TRIO: variants seen among roughly 807,000 people sequenced by gnomAD.
TRIO encodes the protein trio Rho guanine nucleotide exchange factor, also known as triple functional domain protein.
In TRIO, 58 loss-of-function variants were observed where a neutral mutation model predicts 351.9. The observed-to-expected ratio is 0.16, with a 90% CI of 0.13 to 0.21. The LOEUF is 0.21. TRIO is among the 10% of genes least tolerant of loss of function. TRIO has a pLI of 1.00. For missense variants in TRIO, 3,201 were observed against 4,027.8 expected (o/e 0.79, Z 5.56); for synonymous variants, 1,758 against 1,595.7 (o/e 1.10, Z -2.42).
chr5:14,216,726 T>C (rs897059577), intron 1 of TRIO, among the ~76,000 whole-genome samples: 5 of 152,260 alleles, frequency 3.3e-5, no homozygotes, highest in African/African-American at 1.2e-4. Context: ...TATAAAAGCA[T>C]GTTTATAGTT....
At chr5:14,444,413 G>A (rs1268910791) in intron 34 of TRIO, among the ~76,000 whole-genome samples, 4 of 152,128 alleles carry the variant, frequency 2.6e-5, no homozygotes, top group Non-Finnish European at 4.4e-5. Context: ...ATCTCAAATC[G>A]TTTTTTGCCC....
intron 1 of TRIO, among the ~76,000 whole-genome samples, chr5:14,186,342 C>T (rs991842768): frequency 3.3e-5 from 5 of 152,166 alleles, no homozygotes; most frequent in African/African-American, 1.2e-4. Context: ...TATTAAAGAA[C>T]TCCAAAAACA....
Position 14,286,675 on chromosome 5 carries a change from C to T in TRIO, c.348-196C>T, listed in dbSNP as rs151045256. On this transcript the variant is annotated intron_variant, in intron 3 of 56. Coordinates refer to ENST00000344204, the MANE Select transcript of TRIO (RefSeq NM_007118.4). This position sits in a 1 kb window ranked among gnomAD's most constrained non-coding sequence, Gnocchi z 4.4. ...CAGGTTTTGCAGGTTGAACATGAAG[C>T]GTGTATAGCCTGGGTCTCTTCCTTT... 2.6e-5 allele frequency among the ~76,000 whole-genome samples: 4 copies of T among 152,232 alleles called. No homozygotes were observed. The highest frequency in any genetic ancestry group is 1.9e-4 in the East Asian group (1 of 5,184).
intron 34 of TRIO, among the ~76,000 whole-genome samples, chr5:14,424,954 G>T (rs1435536100): frequency 2.0e-5 from 3 of 152,102 alleles, no homozygotes; most frequent in Non-Finnish European, 4.4e-5. Context: ...TTTCAAATCT[G>T]AAGTATTCAG....
intron 1 of TRIO, among the ~76,000 whole-genome samples, chr5:14,187,060 G>A (rs918897860): frequency 6.6e-6 from 1 of 152,170 alleles, no homozygotes; most frequent in Non-Finnish European, 1.5e-5. Flanking sequence ...TGGAGAAGTC[G>A]TGTGATGAAG....
intron 53 of TRIO, 112 bp from the exon 54 acceptor site, chr5:14,502,467 A>G (rs1294213486): frequency 3.3e-6 from 3 of 919,856 alleles, no homozygotes; most frequent in Admixed American, 1.9e-5. Context: ...GCCGTGTGGC[A>G]GGTGCCCGGT....
chr5:14,481,667 T>C (rs751612155), intron 45 of TRIO, 49 bp downstream of exon 45: 27 of 1,591,918 alleles, frequency 1.7e-5, no homozygotes, highest in African/African-American at 9.4e-5. Context: ...TTCATCTCTT[T>C]CTTTTGTCTT....
At position 14,471,364 on chromosome 5, in the gene TRIO, G is replaced by A; in HGVS notation, c.5810G>A (p.Ser1937Asn). Reference sequence around the variant, plus strand: ...TCACTCCTTGTTGACCAGGGAGATAGTAGCAGCCCTTCCTTCAACCCTTCG... The same window carrying A: ...TCACTCCTTGTTGACCAGGGAGATAATAGCAGCCCTTCCTTCAACCCTTCG... ...PSSLLVDQGD[S>N]SSPSFNPSDN... Residue 1937 changes from serine (S) to asparagine (N), a missense_variant, in exon 38 of 57, where the codon AGT (serine) becomes AAT (asparagine). Around this residue, in one of 19 missense-constraint regions of TRIO, gnomAD observed 307 missense variants for 396.5 expected, o/e 0.77. Coordinates refer to ENST00000344204, the MANE Select transcript of TRIO (RefSeq NM_007118.4). 5.6e-6 allele frequency: 9 copies of A among 1,614,120 alleles called. No homozygotes were observed. Among genetic ancestry groups the A allele is most frequent in the Non-Finnish European group, 7.6e-6 (9 of 1,180,002 alleles).
intron 11 of TRIO, among the ~76,000 whole-genome samples, chr5:14,354,166 G>C (rs1743401581): frequency 6.6e-6 from 1 of 152,236 alleles, no homozygotes; most frequent in Non-Finnish European, 1.5e-5. Context: ...TCTGAGCAGG[G>C]CTGGGAGGGT....
chr5:14,479,042 G>T (rs551866227), intron 41 of TRIO, among the ~76,000 whole-genome samples: 1 of 152,262 alleles, frequency 6.6e-6, no homozygotes, highest in East Asian at 1.9e-4. Context: ...GAAGGGTTTG[G>T]TGTGTATGGA....
chr5:14,443,122 A>AT (rs1279461252), intron 34 of TRIO, among the ~76,000 whole-genome samples: 1 of 152,084 alleles, frequency 6.6e-6, no homozygotes, highest in Admixed American at 6.6e-5. Flanking sequence ...GTGCTGTTAC[A>AT]TTTTTTGTTT....
intron 1 of TRIO, among the ~76,000 whole-genome samples, chr5:14,218,742 G>T (rs995526487): frequency 6.6e-6 from 1 of 152,216 alleles, no homozygotes; most frequent in Non-Finnish European, 1.5e-5. Context: ...GGCTATACCC[G>T]GCTGCTGTGG....
rs1447381411 is a variant in TRIO, at chr5:14,462,808, G to A, written c.5550G>A (p.Ser1850=). Residue 1850 remains serine, a synonymous_variant, in exon 36 of 57, where the codon TCG becomes TCA. Coordinates refer to ENST00000344204, the MANE Select transcript of TRIO (RefSeq NM_007118.4). ...SSGTLSKSSS[S]GMQSCGEEEG... ...GTACTCTCTCCAAATCCTCCTCCTC[G>A]GGGATGCAGAGCTGTGGAGAAGAGG... is the stretch of plus-strand genomic sequence containing the variant. 1.2e-6 allele frequency: 2 copies of A among 1,614,084 alleles called. No homozygotes were observed. The highest frequency in any genetic ancestry group is 8.5e-7 in the Non-Finnish European group (1 of 1,180,032).
chr5:14,144,101 T>G (rs2152110862), intron 1 of TRIO, among the ~76,000 whole-genome samples: 1 of 152,096 alleles, frequency 6.6e-6, no homozygotes, highest in Non-Finnish European at 1.5e-5. Context: ...CGCGGCAGCT[T>G]GGCCCGAATG....
chr5:14,345,385 T>G (rs1321393461), intron 11 of TRIO, among the ~76,000 whole-genome samples: 1 of 152,166 alleles, frequency 6.6e-6, no homozygotes, highest in African/African-American at 2.4e-5. Context: ...GACTTCAGAT[T>G]TTATAGTTTC....
chr5:14,447,623 A>AGCCCCCT (rs1042428911), intron 34 of TRIO, among the ~76,000 whole-genome samples: 6 of 152,234 alleles, frequency 3.9e-5, no homozygotes, highest in Admixed American at 3.9e-4. Context: ...ATCTGCGTAT[A>AGCCCCCT]GCCCCCTGCC....
chr5:14,455,746 G>A (rs1753243985), intron 34 of TRIO, among the ~76,000 whole-genome samples: 1 of 152,256 alleles, frequency 6.6e-6, no homozygotes, highest in Non-Finnish European at 1.5e-5. Flanking sequence ...TAGACACAGA[G>A]TGCTGATTGG....
Position 14,317,895 on chromosome 5 carries a change from G to T in TRIO, c.1731+1152G>T, listed in dbSNP as rs79775842. 8.0e-3 allele frequency among the ~76,000 whole-genome samples: 1,217 copies of T among 152,168 alleles called. 53 individuals are homozygous for T. In the East Asian group the frequency reaches 0.11, roughly 14 times the overall value. On this transcript the variant is annotated intron_variant, in intron 9 of 56. Coordinates refer to ENST00000344204, the MANE Select transcript of TRIO (RefSeq NM_007118.4). ...TAATCCCAGCACTTTAGGAGGCCAA[G>T]GGGGGTGGATCACCTGAGGTCAGGA... is the stretch of plus-strand genomic sequence containing the variant.
intron 1 of TRIO, among the ~76,000 whole-genome samples, chr5:14,216,618 A>G (rs1018706947): frequency 6.6e-6 from 1 of 152,264 alleles, no homozygotes; most frequent in South Asian, 2.1e-4. Context: ...ACATCTGTAC[A>G]GTGGATTGGA....
Sources: allele counts gnomAD v4.1 joint callset (sites outside exome capture counted in the v4.1 genomes callset), GRCh38; gene constraint gnomAD v4.1.1; regional missense constraint gnomAD v4.1.1; non-coding constraint Gnocchi (gnomAD v3.1); transcripts MANE v1.5; gene names NCBI Gene and HGNC (gene_info 2026-07-23, HGNC 2026-07-21).